METTL15: variants seen among roughly 807,000 people sequenced by gnomAD.
METTL15 encodes the protein methyltransferase 15, mitochondrial 12S rRNA N4-cytidine.
A neutral mutation model predicts 38.3 loss-of-function variants in METTL15; 34 were observed. The observed-to-expected ratio is 0.89, with a 90% CI of 0.68 to 1.18. The LOEUF (loss-of-function observed/expected upper bound fraction) is 1.18, where lower values mean the gene tolerates loss of function less well. METTL15 is among the 50% of genes most tolerant of loss of function. The pLI, the probability that METTL15 is intolerant of heterozygous loss-of-function variation, is 0.00. For missense variants in METTL15, 438 were observed against 498.4 expected, an observed-to-expected ratio of 0.88 and a Z score of 1.15; for synonymous variants, 162 against 170.9, an observed-to-expected ratio of 0.95 and a Z score of 0.41.
At chr11:28,185,338 G>A (rs1484117413) in intron 3 of METTL15, among the ~76,000 whole-genome samples, 1 of 151,298 alleles carries the variant, frequency 6.6e-6, no homozygotes, top group Non-Finnish European at 1.5e-5. Flanking sequence ...ACTGTTTTGG[G>A]TTCAAATCCC....
intron 3 of METTL15, among the ~76,000 whole-genome samples, chr11:28,190,373 CTT>C (rs1420338090): frequency 6.6e-6 from 1 of 151,104 alleles, no homozygotes; most frequent in Non-Finnish European, 1.5e-5. Flanking sequence ...TTTGTCTACT[CTT>C]TGGATGTAAA....
chr11:28,405,770 G>A (rs1278385739), intron 5 of METTL15, among the ~76,000 whole-genome samples: 1 of 152,142 alleles, frequency 6.6e-6, no homozygotes, highest in Non-Finnish European at 1.5e-5. Context: ...CAAGTCTTTA[G>A]TCTAAGCTCC....
chr11:28,309,206 A>C (rs1857188155), intron 6 of METTL15, among the ~76,000 whole-genome samples: 1 of 152,152 alleles, frequency 6.6e-6, no homozygotes, highest in African/African-American at 2.4e-5. Context: ...CCTTACAGTA[A>C]TATCTGGCTT....
chr11:28,426,263 G>C (rs1590370130), intron 6 of METTL15, among the ~76,000 whole-genome samples: 1 of 152,146 alleles, frequency 6.6e-6, no homozygotes, highest in East Asian at 1.9e-4. Flanking sequence ...CCATGTCCCT[G>C]CAAAGGACAT....
intron 5 of METTL15, among the ~76,000 whole-genome samples, chr11:28,396,193 A>G (rs1335800713): frequency 2.0e-5 from 3 of 152,210 alleles, no homozygotes; most frequent in Non-Finnish European, 1.5e-5. Context: ...CAAGACAGGG[A>G]TGCCCTCTCT....
At chr11:28,474,183 G>C (rs538569896) in intron 6 of METTL15, among the ~76,000 whole-genome samples, 1 of 150,674 alleles carries the variant, frequency 6.6e-6, no homozygotes, top group South Asian at 2.1e-4. Context: ...CTTAATAACA[G>C]AAAATATTTA....
At chr11:28,499,240 C>G (rs1335907282) in intron 6 of METTL15, among the ~76,000 whole-genome samples, 1 of 152,034 alleles carries the variant, frequency 6.6e-6, no homozygotes, top group Non-Finnish European at 1.5e-5. Context: ...GTAGAGTGTG[C>G]CCAAGATCAC....
chr11:28,177,966 A>T (rs1387215860), intron 3 of METTL15, among the ~76,000 whole-genome samples: 4 of 151,998 alleles, frequency 2.6e-5, no homozygotes, highest in African/African-American at 9.7e-5. Flanking sequence ...TACTCTTATT[A>T]TATTATTACA....
At chr11:28,496,628 CA>C (rs1248146745) in intron 6 of METTL15, among the ~76,000 whole-genome samples, 1 of 152,174 alleles carries the variant, frequency 6.6e-6, no homozygotes, top group Non-Finnish European at 1.5e-5. Context: ...GTGAATATTT[CA>C]ATGTCTTGGT....
intron 4 of METTL15, among the ~76,000 whole-genome samples, chr11:28,226,795 AC>A (rs1351971195): frequency 6.6e-6 from 1 of 151,918 alleles, no homozygotes; most frequent in African/African-American, 2.4e-5. Flanking sequence ...AGCCCTATCT[AC>A]CTAAAATTTA....
Position 28,457,968 on chromosome 11 carries a change from G to T in METTL15, c.*424+33604G>T, listed in dbSNP as rs138874730. ...CTAGAGTGTTGTAGTTGGGAATATA[G>T]GAATGTTGTAAAGCTCCCCCTCAGG... On this transcript the variant is annotated intron_variant and NMD_transcript_variant, in intron 6 of 7. Transcript: ENST00000532947. Among the ~76,000 whole-genome samples, 251 of 152,280 alleles carry T rather than the reference G, an allele frequency of 1.6e-3. 1 individual carries two copies. The Middle Eastern group carries it at 0.02, about 12-fold the overall frequency.
chr11:28,111,964 C>T lies in METTL15; in HGVS notation c.-17-1354C>T, dbSNP rs551031593. Among the ~76,000 whole-genome samples, 26 of 152,222 alleles carry T rather than the reference C, an allele frequency of 1.7e-4. No homozygotes were observed. In the South Asian group the frequency reaches 3.5e-3, roughly 21 times the overall value. ...ATCTACTTAGATCACTCATTCCCCC[C>T]CCCACCGACATTTTTTCAATGTCAC... On this transcript the variant is annotated intron_variant, in intron 2 of 6. Coordinates refer to ENST00000407364, the MANE Select transcript of METTL15 (RefSeq NM_001113528.2).
At chr11:28,275,198 A>T (rs1227385793) in intron 4 of METTL15, among the ~76,000 whole-genome samples, 2 of 151,760 alleles carry the variant, frequency 1.3e-5, no homozygotes, top group African/African-American at 2.4e-5. Context: ...AAAAATATAA[A>T]CAAAATTGAT....
chr11:28,382,083 C>G (rs1850392314), intron 5 of METTL15, among the ~76,000 whole-genome samples: 1 of 152,064 alleles, frequency 6.6e-6, no homozygotes, highest in Non-Finnish European at 1.5e-5. Context: ...GTATTTTCCC[C>G]AATAGATCAC....
At chr11:28,515,421 C>G (rs1001371290) in intron 6 of METTL15, among the ~76,000 whole-genome samples, 3 of 152,192 alleles carry the variant, frequency 2.0e-5, no homozygotes, top group African/African-American at 7.2e-5. Flanking sequence ...CAATCCTGAT[C>G]TGTGTTGTTG....
chr11:28,212,835 G>A (rs372570835), intron 4 of METTL15, among the ~76,000 whole-genome samples: 4 of 152,228 alleles, frequency 2.6e-5, no homozygotes, highest in African/African-American at 7.2e-5. Context: ...CTGAATTCTC[G>A]TAAGATATTG....
At chr11:28,528,682 G>C (rs1056003715), downstream of METTL15, among the ~76,000 whole-genome samples, 1 of 152,150 alleles carries the variant, frequency 6.6e-6, no homozygotes, top group Non-Finnish European at 1.5e-5. Context: ...ACTTTGCCAC[G>C]ATTTTCCAAA....
At chr11:28,264,815 T>C (rs1018079906) in intron 4 of METTL15, among the ~76,000 whole-genome samples, 1 of 152,168 alleles carries the variant, frequency 6.6e-6, no homozygotes, top group African/African-American at 2.4e-5. Flanking sequence ...TCTCTCCTTA[T>C]CTATACAATG....
chr11:28,499,792 T>G (rs182830692), intron 6 of METTL15, among the ~76,000 whole-genome samples: 8 of 152,220 alleles, frequency 5.3e-5, no homozygotes, highest in Admixed American at 5.2e-4. Flanking sequence ...GTGTCCAAGT[T>G]TCTTGGGTGG....
Sources: gnomAD v4.1 joint callset for allele counts (sites outside exome capture counted in the v4.1 genomes callset) on GRCh38, gnomAD v4.1.1 for gene constraint, MANE v1.5 for transcripts, NCBI Gene and HGNC (gene_info 2026-07-23, HGNC 2026-07-21) for gene names.